Variants in TLK1 observed in about 807,000 individuals in gnomAD.
TLK1 encodes serine/threonine-protein kinase tousled-like 1.
A neutral mutation model predicts 105.3 loss-of-function variants in TLK1; 24 were observed. The observed-to-expected ratio is 0.23, with a 90% confidence interval of 0.17 to 0.32. TLK1 has a LOEUF of 0.32. Among genes scored for constraint, TLK1 ranks in the 10% least tolerant of loss-of-function variants. The pLI is 1.00. For synonymous variants in TLK1, 321 were observed against 310.4 expected (o/e 1.03, Z -0.36); for missense variants, 558 against 910.5 (o/e 0.61, Z 4.98).
At chr2:171,154,925 C>T (rs1165453262) in intron 1 of TLK1, among the ~76,000 whole-genome samples, 1 of 152,026 alleles carries the variant, frequency 6.6e-6, no homozygotes, top group Admixed American at 6.6e-5. Context: ...TAAATTCCCA[C>T]CACCTAAAAA....
At chr2:171,047,585 G>C (rs1687021733) in intron 10 of TLK1, among the ~76,000 whole-genome samples, 1 of 152,174 alleles carries the variant, frequency 6.6e-6, no homozygotes, top group South Asian at 2.1e-4. Context: ...GAATAGCAAA[G>C]TGAGAACAAG....
chr2:171,007,392 C>T (rs1264078270), intron 14 of TLK1, among the ~76,000 whole-genome samples: 1 of 151,896 alleles, frequency 6.6e-6, no homozygotes, highest in Non-Finnish European at 1.5e-5. Context: ...AGTAAGCAGC[C>T]AGGAAAACAG....
intron 1 of TLK1, among the ~76,000 whole-genome samples, chr2:171,141,447 TAAG>T (rs562209930): frequency 5.9e-4 from 90 of 152,278 alleles, no homozygotes; most frequent in African/African-American, 1.9e-3. Context: ...GTCACAGTTA[TAAG>T]AAGTCCTATA....
chr2:171,121,009 G>A (rs10189480), intron 1 of TLK1, among the ~76,000 whole-genome samples: 39,520 of 152,040 alleles, frequency 0.26, 5,425 homozygotes, highest in Middle Eastern at 0.35. Context: ...GGAGATCTCC[G>A]AAGATATGCT....
rs1179521656 is a variant in TLK1, at chr2:170,992,677, ACTGT to A, written c.*1099_*1102del. 1 of 152,612 alleles carries A rather than the reference ACTGT, an allele frequency of 6.6e-6. No homozygotes were observed. Among genetic ancestry groups the A allele is most frequent in the Non-Finnish European group, 1.5e-5 (1 of 68,008 alleles). 9.5% of individuals were successfully genotyped at this position (152,612 alleles called of 1,614,324 possible). On this transcript the variant is annotated 3_prime_UTR_variant, in exon 21 of 21. Coordinates refer to ENST00000431350, the MANE Select transcript of TLK1 (RefSeq NM_012290.5). ...CACTTTTACATCTTGATTGTTAATG[ACTGT>A]CTGCTTTTTAATATCTATGATGTAC...
chr2:171,196,210 G>A (rs1306830901), intron 1 of TLK1, among the ~76,000 whole-genome samples: 3 of 151,112 alleles, frequency 2.0e-5, no homozygotes, highest in African/African-American at 4.9e-5. Context: ...TCTACCTCCC[G>A]GGTTCAAGTG....
chr2:171,151,587 G>A (rs916798360), intron 1 of TLK1, among the ~76,000 whole-genome samples: 3 of 141,666 alleles, frequency 2.1e-5, no homozygotes, highest in Admixed American at 7.6e-5. Context: ...CCATTCTCCC[G>A]CCTCAGCCTC....
chr2:171,086,327 T>C (rs970012102), intron 2 of TLK1, among the ~76,000 whole-genome samples: 3 of 152,190 alleles, frequency 2.0e-5, no homozygotes, highest in African/African-American at 7.2e-5. Flanking sequence ...AGACAACACT[T>C]AGAAGAAGGG....
At chr2:171,163,186 C>A (rs1692547637), upstream of TLK1, among the ~76,000 whole-genome samples, 1 of 152,182 alleles carries the variant, frequency 6.6e-6, no homozygotes, top group Non-Finnish European at 1.5e-5. Context: ...AGTAGTATTA[C>A]ACTGAATGAG....
chr2:171,159,238 G>A (rs1000965752), intron 1 of TLK1, among the ~76,000 whole-genome samples: 3 of 152,224 alleles, frequency 2.0e-5, no homozygotes, highest in African/African-American at 7.2e-5. Flanking sequence ...GCGACAACTA[G>A]GAGTGAACAG....
Position 171,160,764 on chromosome 2 carries a change from T to TGCGCCGGCC in TLK1, c.-345_-337dup, listed in dbSNP as rs1230208933. 4.7e-6 allele frequency: 2 copies of TGCGCCGGCC among 425,840 alleles called. No homozygotes were observed. The highest frequency in any genetic ancestry group is 4.4e-5 in the African/African-American group (2 of 45,058). The allele number at this position is 425,840 out of a possible 1,614,324, so 26.4% of individuals were successfully genotyped here. On this transcript the variant is annotated 5_prime_UTR_variant, in exon 1 of 21. Coordinates refer to ENST00000431350, the MANE Select transcript of TLK1 (RefSeq NM_012290.5). This position sits in a 1 kb window ranked among gnomAD's most constrained non-coding sequence, Gnocchi z 4.4. ...GTCGGAGCGCGGGCGGAGCGCGGGC[T>TGCGCCGGCC]GCGCCGGCCGAGGACACTTCCGCGG...
intron 12 of TLK1, among the ~76,000 whole-genome samples, chr2:171,020,595 A>G (rs577207776): frequency 3.3e-5 from 5 of 152,104 alleles, no homozygotes; most frequent in Non-Finnish European, 7.4e-5. Flanking sequence ...AGTGCAAAAA[A>G]ACAATTAAGG....
intron 1 of TLK1, among the ~76,000 whole-genome samples, chr2:171,221,806 C>CT (rs1167703982): frequency 1.3e-5 from 2 of 152,222 alleles, no homozygotes; most frequent in Admixed American, 1.3e-4. Flanking sequence ...TCTGGGGTCT[C>CT]TGTCTCTTTT....
intron 2 of TLK1, among the ~76,000 whole-genome samples, chr2:171,099,291 A>C (rs1689588905): frequency 6.6e-6 from 1 of 152,218 alleles, no homozygotes; most frequent in African/African-American, 2.4e-5. Flanking sequence ...ACTTAGGAAT[A>C]AACTTAACAA....
intron 14 of TLK1, among the ~76,000 whole-genome samples, chr2:171,007,471 A>G (rs1251456655): frequency 6.6e-6 from 1 of 151,788 alleles, no homozygotes; most frequent in Non-Finnish European, 1.5e-5. Context: ...GCAACCCCCT[A>G]TTTCTTTCTC....
At chr2:171,035,925 A>G (rs1405148266) in intron 11 of TLK1, among the ~76,000 whole-genome samples, 1 of 152,166 alleles carries the variant, frequency 6.6e-6, no homozygotes, top group Non-Finnish European at 1.5e-5. Flanking sequence ...CCTGTTAACA[A>G]TTTGATTTTA....
At chr2:171,067,050 ATACCCC>A in intron 3 of TLK1, 2 of 1,391,730 alleles carry the variant, frequency 1.4e-6, no homozygotes, top group African/African-American at 2.9e-5. Context: ...CTCCTGTATC[ATACCCC>A]TACAAACATT....
chr2:171,207,924 A>C (rs6737873), intron 1 of TLK1, among the ~76,000 whole-genome samples: 1 of 151,696 alleles, frequency 6.6e-6, no homozygotes, highest in Admixed American at 6.6e-5. Context: ...ATGGAGTTTC[A>C]CCATGTTGGT....
At chr2:171,159,651 C>T (rs1407330368) in intron 1 of TLK1, 1 of 152,322 alleles carries the variant, frequency 6.6e-6, no homozygotes, top group African/African-American at 2.4e-5. Flanking sequence ...AAAGTTGCAA[C>T]CATCTGGAGG....
Sources: allele counts gnomAD v4.1 joint callset (sites outside exome capture counted in the v4.1 genomes callset), GRCh38; gene constraint gnomAD v4.1.1; non-coding constraint Gnocchi (gnomAD v3.1); transcripts MANE v1.5; gene names NCBI Gene and HGNC (gene_info 2026-07-23, HGNC 2026-07-21).